The following DPH6 variants were observed in gnomAD, a reference collection of about 807,000 sequenced individuals.
The protein encoded by DPH6 is diphthamine biosynthesis 6.
DPH6 carries 33 observed loss-of-function variants against 38.2 expected under a neutral mutation model. The ratio of observed to expected loss-of-function variants is 0.86; its 90% CI spans 0.65 to 1.15. The LOEUF is 1.15. Ranked by LOEUF, DPH6 falls within the 50% of genes most tolerant of loss-of-function variation. The pLI is 0.00. For synonymous variants in DPH6, 108 were observed against 103.0 expected (o/e 1.05, Z -0.30); for missense variants, 325 against 320.0 (o/e 1.02, Z -0.12).
the DPH6 span, among the ~76,000 whole-genome samples, chr15:35,149,131 C>G: frequency 6.6e-6 from 1 of 152,150 alleles, no homozygotes; most frequent in Admixed American, 6.5e-5. Context: ...TTTCTTCCAA[C>G]TTAAGAAACA....
At chr15:35,280,422 T>A (rs756011024) in intron 3 of DPH6, among the ~76,000 whole-genome samples, 1 of 152,184 alleles carries the variant, frequency 6.6e-6, no homozygotes, top group African/African-American at 2.4e-5. Context: ...GATGAAAGTA[T>A]CATGGAAGAG....
At chr15:35,456,361 A>G (rs2053996443) in intron 3 of DPH6, among the ~76,000 whole-genome samples, 3 of 151,472 alleles carry the variant, frequency 2.0e-5, no homozygotes, top group South Asian at 4.1e-4. Flanking sequence ...GAAGTACTAA[A>G]TATTATAGAT....
chr15:35,517,664 T>C (rs1157049978), intron 3 of DPH6, among the ~76,000 whole-genome samples: 1 of 152,022 alleles, frequency 6.6e-6, no homozygotes. Flanking sequence ...CAAAAAACAA[T>C]AGGTGGTTTA....
intron 3 of DPH6, among the ~76,000 whole-genome samples, chr15:35,333,569 C>A (rs2140864988): frequency 6.6e-6 from 1 of 152,104 alleles, no homozygotes; most frequent in Middle Eastern, 3.4e-3. Context: ...CCAAAACTGG[C>A]CAAAGTAATA....
intron 3 of DPH6, among the ~76,000 whole-genome samples, chr15:35,319,298 A>G (rs1595476617): frequency 6.6e-6 from 1 of 152,180 alleles, no homozygotes; most frequent in African/African-American, 2.4e-5. Flanking sequence ...GATGATATGT[A>G]TCCTTAATGT....
intron 3 of DPH6, chr15:35,521,960 C>A: frequency 2.1e-6 from 3 of 1,422,468 alleles, no homozygotes; most frequent in Non-Finnish European, 2.8e-6. Context: ...CCAAATCTTG[C>A]CTAGGTAAGT....
intron 3 of DPH6, among the ~76,000 whole-genome samples, chr15:35,464,872 TTG>T (rs1446256092): frequency 6.6e-6 from 1 of 152,226 alleles, no homozygotes; most frequent in South Asian, 2.1e-4. Context: ...GTACCCCATG[TTG>T]TGTTATTCAT....
At chr15:35,496,565 A>ATATAT (rs1467883229) in intron 3 of DPH6, among the ~76,000 whole-genome samples, 547 of 20,076 alleles carry the variant, frequency 0.027, 6 homozygotes, top group Non-Finnish European at 0.042. Flanking sequence ...CAAAAAAAAA[A>ATATAT]AAATATATAT....
chr15:35,277,889 CT>C (rs2051869900), intron 3 of DPH6, among the ~76,000 whole-genome samples: 1 of 152,122 alleles, frequency 6.6e-6, no homozygotes, highest in South Asian at 2.1e-4. Flanking sequence ...CTGGCTGCTT[CT>C]AAGAGCCTAT....
chr15:35,543,413 C>A (rs937045803), intron 1 of DPH6, among the ~76,000 whole-genome samples: 13 of 151,586 alleles, frequency 8.6e-5, no homozygotes, highest in African/African-American at 2.9e-4. Context: ...TTAGTAAAGA[C>A]AAGCAGTAGC....
intron 5 of DPH6, among the ~76,000 whole-genome samples, chr15:35,441,169 G>A (rs2053782603): frequency 6.6e-6 from 1 of 152,230 alleles, no homozygotes; most frequent in Admixed American, 6.5e-5. Context: ...AACAGTTGCT[G>A]GAGAGGATGT....
chr15:35,440,424 C>T (rs1298767650), intron 5 of DPH6, among the ~76,000 whole-genome samples: 1 of 152,190 alleles, frequency 6.6e-6, no homozygotes, highest in Non-Finnish European at 1.5e-5. Context: ...TCTCCTCTTG[C>T]CTTCAGGCCA....
chr15:35,512,913 GA>G (rs1329664968), intron 3 of DPH6, among the ~76,000 whole-genome samples: 1 of 151,778 alleles, frequency 6.6e-6, no homozygotes. Flanking sequence ...ATAATTTATG[GA>G]TCACATCAAA....
intron 3 of DPH6, among the ~76,000 whole-genome samples, chr15:35,456,191 T>C (rs1156754485): frequency 2.6e-5 from 4 of 152,062 alleles, no homozygotes; most frequent in Non-Finnish European, 5.9e-5. Context: ...ATTTTTGTTT[T>C]CATGAAAGTC....
At chr15:35,367,553 G>A (rs1427282014), downstream of DPH6, among the ~76,000 whole-genome samples, 2 of 151,752 alleles carry the variant, frequency 1.3e-5, no homozygotes, top group Non-Finnish European at 2.9e-5. Flanking sequence ...TTTGCCATAA[G>A]CAATAAAGTT....
At chr15:35,217,005 T>C (rs2051414094), downstream of DPH6, among the ~76,000 whole-genome samples, 1 of 152,198 alleles carries the variant, frequency 6.6e-6, no homozygotes, top group Admixed American at 6.5e-5. Flanking sequence ...CTTGTAAAAC[T>C]GGTGTGCTAA....
intron 5 of DPH6, among the ~76,000 whole-genome samples, chr15:35,411,976 C>T (rs1257076878): frequency 6.6e-6 from 1 of 151,600 alleles, no homozygotes; most frequent in East Asian, 1.9e-4. Flanking sequence ...TCACCAAAAG[C>T]ACGATCCATT....
intron 3 of DPH6, among the ~76,000 whole-genome samples, chr15:35,337,644 C>T (rs1388878137): frequency 6.6e-6 from 1 of 152,162 alleles, no homozygotes; most frequent in East Asian, 1.9e-4. Flanking sequence ...CCCCATCAAG[C>T]TACCAATGAC....
intron 3 of DPH6, among the ~76,000 whole-genome samples, chr15:35,465,467 A>G (rs1030365087): frequency 6.6e-6 from 1 of 152,210 alleles, no homozygotes; most frequent in Non-Finnish European, 1.5e-5. Flanking sequence ...CAAGTATAGC[A>G]TTAGATGCTT....
Sources: gnomAD v4.1 joint callset for allele counts (sites outside exome capture counted in the v4.1 genomes callset) on GRCh38, gnomAD v4.1.1 for gene constraint, MANE v1.5 for transcripts, NCBI Gene and HGNC (gene_info 2026-07-23, HGNC 2026-07-21) for gene names.